Variants in POMK observed in about 807,000 individuals in gnomAD.
The protein encoded by POMK is protein O-mannose kinase.
In POMK, 19 loss-of-function variants were observed where a neutral mutation model predicts 23.0. The ratio of observed to expected loss-of-function variants is 0.83; its 90% CI spans 0.58 to 1.21. The LOEUF is 1.21. Ranked by LOEUF, POMK falls within the 50% of genes most tolerant of loss-of-function variation. The pLI is 0.00. For synonymous variants in POMK, 173 were observed against 171.6 expected, an observed-to-expected ratio of 1.01 and a Z score of -0.06; for missense variants, 410 against 431.3, an observed-to-expected ratio of 0.95 and a Z score of 0.44.
intron 4 of POMK, among the ~76,000 whole-genome samples, chr8:43,105,123 G>C (rs1199375214): frequency 2.0e-5 from 3 of 152,186 alleles, no homozygotes; most frequent in Admixed American, 6.5e-5. Context: ...CCTACTTACA[G>C]TGTGTAGTTA....
chr8:43,096,530 G>A (rs1443731533), intron 1 of POMK, among the ~76,000 whole-genome samples: 2 of 152,080 alleles, frequency 1.3e-5, no homozygotes, highest in Non-Finnish European at 2.9e-5. Flanking sequence ...ATGGTGGCAC[G>A]TGCCTGTAAT....
intron 2 of POMK, among the ~76,000 whole-genome samples, chr8:43,101,191 C>T (rs916138547): frequency 6.6e-6 from 1 of 151,674 alleles, no homozygotes; most frequent in African/African-American, 2.4e-5. Context: ...GGGAGGCTGA[C>T]GCAGGAGGAT....
intron 4 of POMK, among the ~76,000 whole-genome samples, chr8:43,109,836 T>G (rs1401895450): frequency 2.0e-5 from 3 of 152,350 alleles, no homozygotes; most frequent in South Asian, 4.1e-4. Context: ...CCACCACACC[T>G]GGCTTGCCAT....
At chr8:43,094,749 C>T (rs1811298631) in intron 1 of POMK, among the ~76,000 whole-genome samples, 1 of 152,096 alleles carries the variant, frequency 6.6e-6, no homozygotes, top group Non-Finnish European at 1.5e-5. Context: ...TGTCCCTTTG[C>T]TTTTCTTTTC....
intron 2 of POMK, among the ~76,000 whole-genome samples, chr8:43,099,792 C>T (rs1046183008): frequency 3.3e-5 from 5 of 152,106 alleles, no homozygotes; most frequent in Non-Finnish European, 5.9e-5. Context: ...GTGCAGGAAC[C>T]TGGGGTGGGG....
intron 4 of POMK, among the ~76,000 whole-genome samples, chr8:43,104,110 T>C (rs1811502091): frequency 6.6e-6 from 1 of 152,088 alleles, no homozygotes; most frequent in Admixed American, 6.6e-5. Context: ...TTGAGCTCAA[T>C]AATCTTACAT....
rs940532234 is a variant in POMK, at chr8:43,122,157, C to T, written c.333C>T (p.Thr111=). The change falls in exon 5 of 5, where the codon ACC becomes ACT. Residue 111 remains threonine, a synonymous_variant. Coordinates refer to ENST00000331373, the MANE Select transcript of POMK (RefSeq NM_032237.5). The stretch of plus-strand genomic sequence containing the variant: ...ACAAAGTTGCACTCTCACAGCTCAC[C>T]AGCCTGGAGATGAAAGATGATTTCC... The part of the protein sequence containing the change: ...KEHKVALSQL[T]SLEMKDDFLH... 3 of 1,614,192 alleles carry T rather than the reference C, an allele frequency of 1.9e-6. No individual in the cohort carries two copies. Among genetic ancestry groups the T allele is most frequent in the Admixed American group, 1.7e-5 (1 of 60,026 alleles).
intron 2 of POMK, among the ~76,000 whole-genome samples, chr8:43,100,463 C>T (rs1037046812): frequency 6.6e-6 from 1 of 151,522 alleles, no homozygotes; most frequent in African/African-American, 2.4e-5. Context: ...GCTAATAGGC[C>T]TCTGAGGCCT....
At chr8:43,101,371 T>C (rs1187051505) in intron 2 of POMK, among the ~76,000 whole-genome samples, 2 of 148,726 alleles carry the variant, frequency 1.3e-5, no homozygotes, top group Non-Finnish European at 1.5e-5. Flanking sequence ...TGAGCTATGA[T>C]TGCACCACTG....
In POMK at chr8:43,112,278, C is replaced by T. The variant is rs528594584; in HGVS notation, c.282+8448C>T. The stretch of plus-strand genomic sequence containing the variant: ...AGAACTACGTGACAAATGCACAAGC[C>T]TCAGTAACCTATGCGATCAACTGGA... On this transcript the variant is annotated intron_variant, in intron 4 of 4. Coordinates refer to ENST00000331373, the MANE Select transcript of POMK (RefSeq NM_032237.5). Among the ~76,000 whole-genome samples, 222 of 152,284 alleles carry T rather than the reference C, an allele frequency of 1.5e-3. 1 individual carries two copies. The highest frequency in any genetic ancestry group is 0.01 in the Middle Eastern group (3 of 294).
chr8:43,108,230 G>A (rs1811583387), intron 4 of POMK, among the ~76,000 whole-genome samples: 3 of 152,172 alleles, frequency 2.0e-5, no homozygotes, highest in Non-Finnish European at 1.5e-5. Flanking sequence ...TGTAGACAAA[G>A]TATGAGCTCA....
intron 4 of POMK, among the ~76,000 whole-genome samples, chr8:43,111,622 C>T (rs970396969): frequency 5.3e-5 from 8 of 152,214 alleles, no homozygotes; most frequent in African/African-American, 7.2e-5. Context: ...CAGACTACCT[C>T]CTCAAGTGGG....
At chr8:43,102,022 T>C (rs1003162897) in intron 2 of POMK, among the ~76,000 whole-genome samples, 1 of 152,130 alleles carries the variant, frequency 6.6e-6, no homozygotes, top group Non-Finnish European at 1.5e-5. Context: ...GAAGGTCACC[T>C]CCTTAGAGAG....
intron 1 of POMK, among the ~76,000 whole-genome samples, chr8:43,094,587 A>AAGCTTTAAT (rs1811295241): frequency 6.6e-6 from 1 of 152,198 alleles, no homozygotes; most frequent in Admixed American, 6.5e-5. Flanking sequence ...CCTTAAGGCT[A>AAGCTTTAAT]AATAAGCGTT....
rs770018377 is a variant in POMK, at chr8:43,122,444, A to G, written c.620A>G (p.Asp207Gly). 36 of 1,614,018 alleles carry G rather than the reference A, an allele frequency of 2.2e-5. No individual in the cohort carries two copies. Among genetic ancestry groups the G allele is most frequent in the Admixed American group, 2.2e-4 (13 of 60,000 alleles). Reference protein sequence around the residue: ...VGTRVMCDSNDLPKTLSQYLL... With the variant: ...VGTRVMCDSNGLPKTLSQYLL... ...ACACGGGTCATGTGCGACTCCAACG[A>G]CCTGCCGAAGACACTGTCCCAGTAT... The change falls in exon 5 of 5, where the codon GAC becomes GGC. Residue 207 changes from aspartate to glycine, a missense_variant. Coordinates refer to ENST00000331373, the MANE Select transcript of POMK (RefSeq NM_032237.5).
chr8:43,122,539 G>C lies in POMK; in HGVS notation c.715G>C (p.Gly239Arg). ...CTTACCCCTGGTGAACCACAGCTCCGGGATGCTGGTGAAGTGCGGCCACAG... is the reference window on the plus strand; with the variant it reads ...CTTACCCCTGGTGAACCACAGCTCCCGGATGCTGGTGAAGTGCGGCCACAG... ...DALPLVNHSS[G>R]MLVKCGHREL... Residue 239 changes from glycine (G) to arginine (R), a missense_variant, in exon 5 of 5, where the codon GGG (glycine) becomes CGG (arginine). Physicochemically the swap from Gly to Arg is moderately radical, Grantham distance 125 (BLOSUM62 -2). Transcript: ENST00000331373. 1 of 1,614,158 alleles carries C rather than the reference G, an allele frequency of 6.2e-7. No individual in the cohort carries two copies. Among genetic ancestry groups the C allele is most frequent in the South Asian group, 1.1e-5 (1 of 91,080 alleles).
chr8:43,102,242 A>C (rs1018335554), intron 2 of POMK, among the ~76,000 whole-genome samples: 1 of 152,200 alleles, frequency 6.6e-6, no homozygotes, highest in Non-Finnish European at 1.5e-5. Context: ...AGGGCTGGGC[A>C]CATAGAAGCT....
Position 43,101,114 on chromosome 8 carries a change from G to A in POMK, c.-117-1391G>A, listed in dbSNP as rs185360738. On this transcript the variant is annotated intron_variant, in intron 2 of 4. Coordinates refer to ENST00000331373, the MANE Select transcript of POMK (RefSeq NM_032237.5). ...ACTGATGCAGGGGATGAGTAGAGCC[G>A]TGGAGGGGATAAAAATAAATTTAAA... Among the ~76,000 whole-genome samples the A allele has an allele frequency of 5.6e-3, 852 of 152,092 alleles. 6 individuals carry two copies. The highest frequency in any genetic ancestry group is 8.5e-3 in the Non-Finnish European group (576 of 67,992).
chr8:43,100,926 A>T (rs756892249), intron 2 of POMK, among the ~76,000 whole-genome samples: 1 of 152,024 alleles, frequency 6.6e-6, no homozygotes, highest in Non-Finnish European at 1.5e-5. Context: ...GGCGTTCTAG[A>T]GGCTGCTACT....
Sources: allele counts gnomAD v4.1 joint callset (sites outside exome capture counted in the v4.1 genomes callset), GRCh38; gene constraint gnomAD v4.1.1; transcripts MANE v1.5; gene names NCBI Gene and HGNC (gene_info 2026-07-23, HGNC 2026-07-21).